Variants in SLC35F1 observed in about 807,000 individuals in gnomAD.
SLC35F1 encodes solute carrier family 35 member F1.
SLC35F1 carries 14 observed loss-of-function variants against 48.7 expected under a neutral mutation model. That is an observed-to-expected ratio of 0.29 (90% confidence interval 0.19 to 0.45). The LOEUF (loss-of-function observed/expected upper bound fraction) is 0.45. Among genes scored for constraint, SLC35F1 ranks in the 20% least tolerant of loss-of-function variants. SLC35F1 has a pLI of 1.00. For missense variants in SLC35F1, 404 were observed against 500.0 expected, an observed-to-expected ratio of 0.81 and a Z score of 1.83; for synonymous variants, 190 against 202.2, an observed-to-expected ratio of 0.94 and a Z score of 0.51.
chr6:118,239,823 G>A (rs1775413204), intron 3 of SLC35F1, among the ~76,000 whole-genome samples: 1 of 152,124 alleles, frequency 6.6e-6, no homozygotes, highest in South Asian at 2.1e-4. Context: ...GCAAGGAACA[G>A]GGAAGTAAAA....
At position 118,096,543 on chromosome 6, in the gene SLC35F1, C is replaced by T. The variant is rs541524143; in HGVS notation, c.174-57902C>T. On this transcript the variant is annotated intron_variant, in intron 1 of 7. Transcript: ENST00000360388. ...ACACACTGAGCAGTTCCTGGTCATC[C>T]AAGCATTGTTGTAAAATCCCCTTCA... 2.6e-4 allele frequency among the ~76,000 whole-genome samples: 39 copies of T among 152,260 alleles called. 1 individual carries two copies. In the South Asian group the frequency reaches 7.7e-3, roughly 30 times the overall value.
At chr6:118,090,827 A>G (rs1368489691) in intron 1 of SLC35F1, among the ~76,000 whole-genome samples, 1 of 152,218 alleles carries the variant, frequency 6.6e-6, no homozygotes, top group Non-Finnish European at 1.5e-5. Context: ...TATGTGGAGA[A>G]TGGACAATGG....
At chr6:118,074,417 C>T (rs1480803542) in intron 1 of SLC35F1, among the ~76,000 whole-genome samples, 1 of 152,162 alleles carries the variant, frequency 6.6e-6, no homozygotes, top group African/African-American at 2.4e-5. Context: ...ATGACCTCCT[C>T]AAATCAGTGT....
At chr6:118,132,188 C>T (rs1420529717) in intron 1 of SLC35F1, among the ~76,000 whole-genome samples, 2 of 152,188 alleles carry the variant, frequency 1.3e-5, no homozygotes, top group East Asian at 3.8e-4. Context: ...TCTCATGTCA[C>T]TTTATAGCCC....
chr6:118,291,735 TCAC>T (rs1415809295), intron 7 of SLC35F1, among the ~76,000 whole-genome samples: 2 of 152,170 alleles, frequency 1.3e-5, no homozygotes, highest in Non-Finnish European at 2.9e-5. Context: ...TAGTTGGAAA[TCAC>T]AGCCTTCAGG....
intron 7 of SLC35F1, among the ~76,000 whole-genome samples, chr6:118,309,204 C>A (rs867760232): frequency 1.9e-5 from 2 of 106,094 alleles, no homozygotes; most frequent in Non-Finnish European, 4.1e-5. Flanking sequence ...TGTGTGTGTG[C>A]GTGTGTGTAT....
At chr6:118,139,686 T>C (rs1259117836) in intron 1 of SLC35F1, among the ~76,000 whole-genome samples, 1 of 152,168 alleles carries the variant, frequency 6.6e-6, no homozygotes, top group African/African-American at 2.4e-5. Flanking sequence ...ATGGTGGGGA[T>C]AGCAAGTGTC....
intron 7 of SLC35F1, among the ~76,000 whole-genome samples, chr6:118,304,588 T>C (rs1240666190): frequency 6.6e-6 from 1 of 152,192 alleles, no homozygotes; most frequent in African/African-American, 2.4e-5. Flanking sequence ...GTGGTGAACT[T>C]TTCAGAAAGG....
intron 2 of SLC35F1, among the ~76,000 whole-genome samples, chr6:118,218,446 CT>C (rs146714941): frequency 0.013 from 1,982 of 152,148 alleles, 36 homozygotes; most frequent in African/African-American, 0.045. Flanking sequence ...CAAGTTTGGT[CT>C]TTGAATTAGA....
At chr6:118,035,424 T>G (rs1387963111) in intron 1 of SLC35F1, among the ~76,000 whole-genome samples, 4 of 149,564 alleles carry the variant, frequency 2.7e-5, no homozygotes, top group African/African-American at 9.8e-5. Context: ...CTGCTTAACA[T>G]GATGAAACCC....
At chr6:118,273,139 G>A (rs1438102607) in intron 4 of SLC35F1, among the ~76,000 whole-genome samples, 1 of 152,012 alleles carries the variant, frequency 6.6e-6, no homozygotes, top group East Asian at 1.9e-4. Context: ...AAATTGTGTT[G>A]TGATGATCAA....
At chr6:118,072,559 G>A (rs1165743678) in intron 1 of SLC35F1, among the ~76,000 whole-genome samples, 1 of 151,370 alleles carries the variant, frequency 6.6e-6, no homozygotes, top group African/African-American at 2.4e-5. Context: ...GTGAGATTCT[G>A]CCTCAAAAAA....
intron 3 of SLC35F1, among the ~76,000 whole-genome samples, chr6:118,259,605 T>G (rs1391130300): frequency 6.6e-6 from 1 of 150,682 alleles, no homozygotes; most frequent in Non-Finnish European, 1.5e-5. Flanking sequence ...AAATGGCCAA[T>G]AAGCATACTA....
At chr6:118,305,296 C>T (rs1776300050) in intron 7 of SLC35F1, among the ~76,000 whole-genome samples, 1 of 151,450 alleles carries the variant, frequency 6.6e-6, no homozygotes, top group African/African-American at 2.4e-5. Context: ...GGGTGAGGCT[C>T]ACCCCACCCA....
At chr6:117,980,179 G>T (rs981286079) in intron 1 of SLC35F1, among the ~76,000 whole-genome samples, 6 of 152,112 alleles carry the variant, frequency 3.9e-5, no homozygotes, top group Non-Finnish European at 8.8e-5. Flanking sequence ...CAATGTGTGA[G>T]GGGGGAAACT....
chr6:118,096,750 C>A (rs1773182013), intron 1 of SLC35F1, among the ~76,000 whole-genome samples: 1 of 152,120 alleles, frequency 6.6e-6, no homozygotes, highest in South Asian at 2.1e-4. Flanking sequence ...GTGTAACTGT[C>A]AACATGAGAC....
Position 117,974,799 on chromosome 6 carries a change from C to A in SLC35F1, c.173+66900C>A, listed in dbSNP as rs191638749. On this transcript the variant is annotated intron_variant, in intron 1 of 7. Coordinates refer to ENST00000360388, the MANE Select transcript of SLC35F1 (RefSeq NM_001029858.4). ...AATAATGCTTTTTAAATTGTGTTTT[C>A]CAAAATAAAACAGAAAGTGAGAAGA... Among the ~76,000 whole-genome samples the A allele has an allele frequency of 6.1e-4, 93 of 152,192 alleles. 2 individuals carry two copies. The highest frequency in any genetic ancestry group is 5.2e-3 in the South Asian group (25 of 4,820).
At chr6:118,301,710 C>T (rs1401947330) in intron 7 of SLC35F1, among the ~76,000 whole-genome samples, 2 of 152,138 alleles carry the variant, frequency 1.3e-5, no homozygotes, top group Non-Finnish European at 2.9e-5. Flanking sequence ...GCAAACTTTT[C>T]CATGAAGGGG....
chr6:118,310,929 T>A (rs1776365290), intron 7 of SLC35F1, among the ~76,000 whole-genome samples: 1 of 152,216 alleles, frequency 6.6e-6, no homozygotes, highest in Admixed American at 6.5e-5. Context: ...CAGTATATTC[T>A]TTGTCATATT....
Sources: allele counts gnomAD v4.1 joint callset (sites outside exome capture counted in the v4.1 genomes callset), GRCh38; gene constraint gnomAD v4.1.1; transcripts MANE v1.5; gene names NCBI Gene and HGNC (gene_info 2026-07-23, HGNC 2026-07-21).